The following NCOA1 variants were observed in gnomAD, a reference collection of about 807,000 sequenced individuals.
NCOA1 encodes nuclear receptor coactivator 1, also known as Hin-2 protein.
In NCOA1, 35 loss-of-function variants were observed where a neutral mutation model predicts 150.9. That is an observed-to-expected ratio of 0.23 (90% confidence interval 0.18 to 0.31). The LOEUF (loss-of-function observed/expected upper bound fraction) is 0.31. Ranked by LOEUF, NCOA1 falls within the 10% of genes least tolerant of loss-of-function variation. The pLI, the probability that NCOA1 is intolerant of heterozygous loss-of-function variation, is 1.00. For synonymous variants in NCOA1, 590 were observed against 630.0 expected, an observed-to-expected ratio of 0.94 and a Z score of 0.95; for missense variants, 1,491 against 1,749.3, an observed-to-expected ratio of 0.85 and a Z score of 2.63.
intron 12 of NCOA1, 139 bp from the exon 13 acceptor site, chr2:24,706,429 T>G: frequency 1.1e-6 from 1 of 941,364 alleles, no homozygotes; most frequent in Non-Finnish European, 1.4e-6. Flanking sequence ...TTTCTTAATT[T>G]AAGATGGTAC....
chr2:24,628,302 GAA>G (rs56176673), intron 3 of NCOA1, among the ~76,000 whole-genome samples: 8,358 of 141,816 alleles, frequency 0.059, 303 homozygotes, highest in Non-Finnish European at 0.082. Context: ...CTCCATCTCA[GAA>G]AAAAAAAAAA....
chr2:24,582,880 G>T (rs889340274), intron 2 of NCOA1, among the ~76,000 whole-genome samples: 1 of 152,136 alleles, frequency 6.6e-6, no homozygotes, highest in Non-Finnish European at 1.5e-5. Flanking sequence ...AATAAATGGG[G>T]CTGGGAAAAC....
At chr2:24,521,298 A>G (rs907043146) in intron 1 of NCOA1, among the ~76,000 whole-genome samples, 3 of 152,186 alleles carry the variant, frequency 2.0e-5, no homozygotes, top group Non-Finnish European at 2.9e-5. Flanking sequence ...ATTATTAGCT[A>G]TAGTTACCAT....
At chr2:24,529,271 C>T (rs796649823) in intron 1 of NCOA1, among the ~76,000 whole-genome samples, 9 of 152,334 alleles carry the variant, frequency 5.9e-5, no homozygotes, top group African/African-American at 2.2e-4. Flanking sequence ...AGGCAGACCA[C>T]AGTTCTTTTC....
intron 3 of NCOA1, among the ~76,000 whole-genome samples, chr2:24,626,906 G>A (rs1669439504): frequency 6.6e-6 from 1 of 152,060 alleles, no homozygotes; most frequent in African/African-American, 2.4e-5. Context: ...TAGAATGTAA[G>A]CTAAAGGAGA....
chr2:24,663,889 C>T (rs1012886564), intron 5 of NCOA1, among the ~76,000 whole-genome samples: 1 of 152,144 alleles, frequency 6.6e-6, no homozygotes, highest in Admixed American at 6.5e-5. Flanking sequence ...ATACTGTCTT[C>T]AAGTTCTTTG....
At chr2:24,688,945 A>C (rs1036829079) in intron 8 of NCOA1, among the ~76,000 whole-genome samples, 3 of 152,236 alleles carry the variant, frequency 2.0e-5, no homozygotes, top group African/African-American at 7.2e-5. Flanking sequence ...AAAGAGGTCC[A>C]GTTTTAATCT....
At chr2:24,730,164 G>A (rs1279083864) in intron 17 of NCOA1, among the ~76,000 whole-genome samples, 1 of 152,020 alleles carries the variant, frequency 6.6e-6, no homozygotes, top group East Asian at 1.9e-4. Flanking sequence ...ACTTTTTAAA[G>A]GTATATACCA....
In NCOA1 at chr2:24,609,353, C is replaced by T. The variant is rs117897401; in HGVS notation, c.-175+24793C>T. 3.5e-4 allele frequency among the ~76,000 whole-genome samples: 54 copies of T among 152,326 alleles called. No individual in the cohort carries two copies. In the East Asian group the frequency reaches 0.01, roughly 28 times the overall value. ...AAATCTATTACTTAAATGTTTTCAACAAAAACATTGATCTTTGCTTTGTCA... is the reference window on the plus strand; with the variant it reads ...AAATCTATTACTTAAATGTTTTCAATAAAAACATTGATCTTTGCTTTGTCA... On this transcript the variant is annotated intron_variant, in intron 3 of 22. Transcript: ENST00000348332.
At chr2:24,499,379 T>C (rs1202601455) in intron 1 of NCOA1, among the ~76,000 whole-genome samples, 1 of 152,228 alleles carries the variant, frequency 6.6e-6, no homozygotes, top group Non-Finnish European at 1.5e-5. Flanking sequence ...AGATGAATTT[T>C]GGACCAACCA....
intron 3 of NCOA1, among the ~76,000 whole-genome samples, chr2:24,611,881 G>A (rs1280139257): frequency 6.6e-6 from 1 of 151,688 alleles, no homozygotes; most frequent in Non-Finnish European, 1.5e-5. Context: ...ATTCATCTCT[G>A]TGCCTTTTAA....
intron 4 of NCOA1, among the ~76,000 whole-genome samples, chr2:24,647,085 TC>T (rs1670510954): frequency 6.6e-6 from 1 of 152,148 alleles, no homozygotes; most frequent in African/African-American, 2.4e-5. Context: ...TAGAAAAGAT[TC>T]TTTGTTTATA....
At chr2:24,576,399 A>G (rs532725625) in intron 2 of NCOA1, among the ~76,000 whole-genome samples, 29 of 151,854 alleles carry the variant, frequency 1.9e-4, no homozygotes, top group Non-Finnish European at 3.7e-4. Flanking sequence ...TGAGACTGTA[A>G]GGTTCTGTTT....
In NCOA1 at chr2:24,576,163, G is replaced by GTTTTTT. The variant is rs1491073238; in HGVS notation, c.-259-8312_-259-8307dup. ...ATTTGGCCTTTGTTTTTTTTTTTTT[G>GTTTTTT]TTTTTTGTTTTTTTTTTTTTTTTTT... On this transcript the variant is annotated intron_variant, in intron 2 of 22. Coordinates refer to ENST00000348332, the MANE Select transcript of NCOA1 (RefSeq NM_003743.5). Among the ~76,000 whole-genome samples the GTTTTTT allele has an allele frequency of 1.5e-3, 141 of 92,648 alleles. 1 individual carries two copies. The highest frequency in any genetic ancestry group is 3.4e-3 in the African/African-American group (73 of 21,628). The allele number at this position is 92,648 out of a possible 152,430, so 60.8% of individuals were successfully genotyped here.
intron 8 of NCOA1, 61 bp downstream of exon 8, chr2:24,683,189 A>C: frequency 1.1e-6 from 1 of 915,550 alleles, no homozygotes; most frequent in Non-Finnish European, 1.5e-6. Flanking sequence ...CTTATATAAT[A>C]TGTATAATAT....
chr2:24,508,169 T>C (rs902754502), intron 1 of NCOA1, among the ~76,000 whole-genome samples: 4 of 152,200 alleles, frequency 2.6e-5, no homozygotes, highest in African/African-American at 9.6e-5. Flanking sequence ...TAAGCTTTAA[T>C]TAAAAAGAAA....
At chr2:24,524,628 A>G (rs773707477) in intron 1 of NCOA1, among the ~76,000 whole-genome samples, 1 of 151,410 alleles carries the variant, frequency 6.6e-6, no homozygotes, top group Non-Finnish European at 1.5e-5. Context: ...ATTTTTTGAG[A>G]TGGAGTTTCA....
chr2:24,522,701 T>C (rs192235816), intron 1 of NCOA1, among the ~76,000 whole-genome samples: 2 of 152,266 alleles, frequency 1.3e-5, no homozygotes, highest in East Asian at 3.9e-4. Context: ...GATATTAAAA[T>C]AGATTGGAAG....
chr2:24,625,334 C>T (rs1669357743), intron 3 of NCOA1, among the ~76,000 whole-genome samples: 1 of 141,750 alleles, frequency 7.1e-6, no homozygotes, highest in Non-Finnish European at 1.5e-5. Context: ...CACTGTACTC[C>T]AGCCTGGGTG....
Sources: allele counts gnomAD v4.1 joint callset (sites outside exome capture counted in the v4.1 genomes callset), GRCh38; gene constraint gnomAD v4.1.1; transcripts MANE v1.5; gene names NCBI Gene and HGNC (gene_info 2026-07-23, HGNC 2026-07-21).